Variants in SLC25A28 observed in about 807,000 individuals in gnomAD.
SLC25A28 encodes mitoferrin-2.
A neutral mutation model predicts 31.9 loss-of-function variants in SLC25A28; 10 were observed. That is an observed-to-expected ratio of 0.31 (90% CI 0.19 to 0.53). SLC25A28 has a LOEUF of 0.53. Ranked by LOEUF, SLC25A28 falls within the 20% of genes least tolerant of loss-of-function variation. SLC25A28 has a pLI of 0.95. For synonymous variants in SLC25A28, 208 were observed against 203.6 expected (o/e 1.02, Z -0.19); for missense variants, 256 against 490.3 (o/e 0.52, Z 4.51).
the SLC25A28 span, among the ~76,000 whole-genome samples, chr10:99,634,588 A>T: frequency 3.2e-3 from 493 of 152,294 alleles, 3 homozygotes; most frequent in African/African-American, 0.011. Flanking sequence ...CAATCAAACA[A>T]AGACAAAGAA....
At chr10:99,621,053 G>T (rs2034783099), upstream of SLC25A28, 1 of 878,646 alleles carries the variant, frequency 1.1e-6, no homozygotes, top group Middle Eastern at 5.8e-4. Context: ...GCGTGAGGCG[G>T]GGCCGGCCTG....
At chr10:99,634,253 A>G in the SLC25A28 span, among the ~76,000 whole-genome samples, 2 of 152,152 alleles carry the variant, frequency 1.3e-5, no homozygotes, top group African/African-American at 4.8e-5. Context: ...TACACCCTCA[A>G]AAAATCACAC....
the SLC25A28 span, among the ~76,000 whole-genome samples, chr10:99,629,309 G>A: frequency 6.6e-6 from 1 of 152,200 alleles, no homozygotes; most frequent in African/African-American, 2.4e-5. Context: ...CTCCTCAGAA[G>A]CTGGGGAGAT....
the SLC25A28 span, among the ~76,000 whole-genome samples, chr10:99,633,687 C>G: frequency 1.3e-4 from 17 of 131,484 alleles, no homozygotes; most frequent in East Asian, 3.7e-3. Context: ...AAAAAAAAAG[C>G]CTAGGCAGAC....
chr10:99,616,793 T>G (rs776185632), intron 1 of SLC25A28: 41 of 963,018 alleles, frequency 4.3e-5, no homozygotes, highest in Admixed American at 6.2e-5. Flanking sequence ...CTGTGTGACC[T>G]TGGACAAGTT....
At chr10:99,618,294 T>A in intron 1 of SLC25A28, 1 of 984,768 alleles carries the variant, frequency 1.0e-6, no homozygotes, top group Non-Finnish European at 1.2e-6. Context: ...GTTAAATTGA[T>A]AAGTTACAGT....
At chr10:99,628,810 A>T in the SLC25A28 span, among the ~76,000 whole-genome samples, 1 of 152,210 alleles carries the variant, frequency 6.6e-6, no homozygotes, top group African/African-American at 2.4e-5. Context: ...AAAAAGAGCA[A>T]AATTCTGACT....
At chr10:99,631,770 C>T in the SLC25A28 span, among the ~76,000 whole-genome samples, 3 of 151,840 alleles carry the variant, frequency 2.0e-5, no homozygotes, top group South Asian at 6.2e-4. Context: ...TCTAATAGGC[C>T]GCATAGAATG....
chr10:99,642,785 A>T, the SLC25A28 span, among the ~76,000 whole-genome samples: 1 of 151,818 alleles, frequency 6.6e-6, no homozygotes, highest in Non-Finnish European at 1.5e-5. Context: ...AGGGCTGTTG[A>T]ATTTTGTCAA....
chr10:99,642,667 G>A, the SLC25A28 span, among the ~76,000 whole-genome samples: 1 of 152,148 alleles, frequency 6.6e-6, no homozygotes, highest in Non-Finnish European at 1.5e-5. Flanking sequence ...CATGCTTCCA[G>A]TTTTTGCCCA....
intron 1 of SLC25A28, chr10:99,619,364 T>C: frequency 2.0e-6 from 2 of 985,450 alleles, no homozygotes; most frequent in Non-Finnish European, 2.4e-6. Flanking sequence ...ATGTGCTCCC[T>C]GAACATACAG....
chr10:99,646,779 G>C, the SLC25A28 span, among the ~76,000 whole-genome samples: 22 of 152,300 alleles, frequency 1.4e-4, no homozygotes, highest in African/African-American at 5.3e-4. Flanking sequence ...CCCAAATAGT[G>C]AATATTGTAC....
the SLC25A28 span, among the ~76,000 whole-genome samples, chr10:99,626,847 G>GTA: frequency 6.6e-6 from 1 of 151,750 alleles, no homozygotes; most frequent in Non-Finnish European, 1.5e-5. Flanking sequence ...GCAGTTTTCA[G>GTA]TCCCACCGTT....
At chr10:99,612,873 A>G (rs968685687) in intron 2 of SLC25A28, among the ~76,000 whole-genome samples, 2 of 152,160 alleles carry the variant, frequency 1.3e-5, no homozygotes, top group African/African-American at 4.8e-5. Context: ...CTGAGAATAA[A>G]TGCAGCTCAC....
chr10:99,632,251 A>G, the SLC25A28 span, among the ~76,000 whole-genome samples: 1 of 152,144 alleles, frequency 6.6e-6, no homozygotes, highest in South Asian at 2.1e-4. Context: ...TTTACATTGT[A>G]TTAGGTATTA....
the SLC25A28 span, among the ~76,000 whole-genome samples, chr10:99,631,222 T>C: frequency 6.6e-6 from 1 of 152,166 alleles, no homozygotes; most frequent in Non-Finnish European, 1.5e-5. Context: ...TAAGTTGAAG[T>C]TGGGCAACAT....
At chr10:99,625,945 G>A in the SLC25A28 span, among the ~76,000 whole-genome samples, 1 of 152,216 alleles carries the variant, frequency 6.6e-6, no homozygotes, top group Admixed American at 6.5e-5. Context: ...CTTGTGCTCA[G>A]ACATGAGAAA....
At chr10:99,654,841 T>C in the SLC25A28 span, among the ~76,000 whole-genome samples, 1 of 152,116 alleles carries the variant, frequency 6.6e-6, no homozygotes, top group Non-Finnish European at 1.5e-5. Flanking sequence ...AAACTGCAAA[T>C]ATAATTGTAA....
At chr10:99,629,894 C>T in the SLC25A28 span, among the ~76,000 whole-genome samples, 2 of 152,148 alleles carry the variant, frequency 1.3e-5, no homozygotes, top group Non-Finnish European at 2.9e-5. Flanking sequence ...GTTAATTTGG[C>T]CCGGCACAGT....
Sources: gnomAD v4.1 joint callset for allele counts (sites outside exome capture counted in the v4.1 genomes callset) on GRCh38, gnomAD v4.1.1 for gene constraint, MANE v1.5 for transcripts, NCBI Gene and HGNC (gene_info 2026-07-23, HGNC 2026-07-21) for gene names.